The following THEMIS variants were observed in gnomAD, a reference collection of about 807,000 sequenced individuals.
THEMIS encodes the protein thymocyte selection associated.
THEMIS carries 37 observed loss-of-function variants against 52.6 expected under a neutral mutation model. The observed-to-expected ratio is 0.70, with a 90% confidence interval of 0.54 to 0.93. The LOEUF (loss-of-function observed/expected upper bound fraction) is 0.93. THEMIS is among the 40% of genes least tolerant of loss of function. The pLI, the probability that THEMIS is intolerant of heterozygous loss-of-function variation, is 0.00. For missense variants in THEMIS, 808 were observed against 763.1 expected (o/e 1.06, Z -0.69); for synonymous variants, 292 against 272.7 (o/e 1.07, Z -0.70).
At chr6:127,811,711 C>T (rs1196155010) in intron 4 of THEMIS, among the ~76,000 whole-genome samples, 1 of 152,190 alleles carries the variant, frequency 6.6e-6, no homozygotes, top group Non-Finnish European at 1.5e-5. Flanking sequence ...CATTTCATTT[C>T]TCACTATTCA....
At chr6:127,898,991 G>A (rs1414483564) in intron 1 of THEMIS, among the ~76,000 whole-genome samples, 1 of 151,758 alleles carries the variant, frequency 6.6e-6, no homozygotes, top group Non-Finnish European at 1.5e-5. Context: ...GGGATAGAGA[G>A]GGGTTGGTTG....
intron 3 of THEMIS, among the ~76,000 whole-genome samples, chr6:127,822,042 T>C (rs1185739896): frequency 1.3e-5 from 2 of 151,978 alleles, no homozygotes; most frequent in East Asian, 3.8e-4. Flanking sequence ...TCTCTATATT[T>C]GTTAGACATT....
At chr6:127,713,885 G>T (rs1189977778) in intron 5 of THEMIS, among the ~76,000 whole-genome samples, 1 of 151,814 alleles carries the variant, frequency 6.6e-6, no homozygotes, top group Non-Finnish European at 1.5e-5. Flanking sequence ...CACTTACTCT[G>T]GCTGTTGTGT....
At chr6:127,836,299 C>T (rs1778872737) in intron 2 of THEMIS, among the ~76,000 whole-genome samples, 1 of 152,044 alleles carries the variant, frequency 6.6e-6, no homozygotes, top group Admixed American at 6.5e-5. Context: ...ATGTAAAGCC[C>T]CATATGTTTC....
chr6:127,779,229 C>T (rs1776664280), intron 4 of THEMIS, among the ~76,000 whole-genome samples: 1 of 152,054 alleles, frequency 6.6e-6, no homozygotes, highest in Non-Finnish European at 1.5e-5. Flanking sequence ...AATTAAAAGC[C>T]CTTCTCCCTG....
At chr6:127,864,199 A>AG (rs1000736156) in intron 1 of THEMIS, among the ~76,000 whole-genome samples, 1 of 152,104 alleles carries the variant, frequency 6.6e-6, no homozygotes, top group African/African-American at 2.4e-5. Flanking sequence ...TTATAGACCA[A>AG]GGGGGGCACA....
chr6:127,846,480 C>A (rs1339802220), intron 2 of THEMIS, among the ~76,000 whole-genome samples: 1 of 151,620 alleles, frequency 6.6e-6, no homozygotes, highest in African/African-American at 2.4e-5. Flanking sequence ...CACATAAATA[C>A]AAAATATCAT....
chr6:127,815,372 C>T (rs961949310), intron 3 of THEMIS, among the ~76,000 whole-genome samples: 1 of 151,914 alleles, frequency 6.6e-6, no homozygotes, highest in Admixed American at 6.6e-5. Flanking sequence ...AGAATATCCT[C>T]TTATAAAACA....
chr6:127,816,280 C>T (rs1328829102), intron 3 of THEMIS, among the ~76,000 whole-genome samples: 1 of 152,130 alleles, frequency 6.6e-6, no homozygotes, highest in Non-Finnish European at 1.5e-5. Context: ...CCTCTATCTA[C>T]ACCCACGCCT....
chr6:127,907,672 G>A (rs2114522216), intron 1 of THEMIS, among the ~76,000 whole-genome samples: 1 of 151,848 alleles, frequency 6.6e-6, no homozygotes, highest in African/African-American at 2.4e-5. Flanking sequence ...TATATCAAAG[G>A]GAAATAAGTG....
chr6:127,863,306 C>T (rs550973419), intron 1 of THEMIS, among the ~76,000 whole-genome samples: 1 of 152,226 alleles, frequency 6.6e-6, no homozygotes, highest in South Asian at 2.1e-4. Flanking sequence ...ATAACTGAGT[C>T]CCCATACAGT....
rs889475986 is a variant in THEMIS, at chr6:127,785,492, C to A, written c.1758+27391G>T. ...ATAATAAAATTTAAAAAAAAAAAAACAATACTTTCTCCAGATTGATACATT... is the reference window on the plus strand; with the variant it reads ...ATAATAAAATTTAAAAAAAAAAAAAAAATACTTTCTCCAGATTGATACATT... On this transcript the variant is annotated intron_variant, in intron 4 of 5. Coordinates refer to ENST00000368248, the MANE Select transcript of THEMIS (RefSeq NM_001010923.3). Among the ~76,000 whole-genome samples, 135 of 145,786 alleles carry A rather than the reference C, an allele frequency of 9.3e-4. 2 individuals carry two copies. Among genetic ancestry groups the A allele is most frequent in the Non-Finnish European group, 3.2e-4 (21 of 65,922 alleles).
At chr6:127,876,632 C>T (rs923319812) in intron 1 of THEMIS, among the ~76,000 whole-genome samples, 2 of 152,062 alleles carry the variant, frequency 1.3e-5, no homozygotes, top group Non-Finnish European at 2.9e-5. Flanking sequence ...GTTAGGTTTG[C>T]AAATATTGTA....
At chr6:127,697,174 T>C in the THEMIS span, among the ~76,000 whole-genome samples, 1 of 152,184 alleles carries the variant, frequency 6.6e-6, no homozygotes, top group Non-Finnish European at 1.5e-5. Flanking sequence ...CAGCACTTCC[T>C]GCACTATTCT....
intron 1 of THEMIS, among the ~76,000 whole-genome samples, chr6:127,869,219 G>T (rs546993348): frequency 2.0e-5 from 3 of 152,246 alleles, no homozygotes; most frequent in African/African-American, 7.2e-5. Flanking sequence ...CCCATCATAA[G>T]TTAAAAATAT....
intron 4 of THEMIS, among the ~76,000 whole-genome samples, chr6:127,750,401 C>G (rs1333743904): frequency 2.0e-5 from 3 of 151,618 alleles, no homozygotes; most frequent in Admixed American, 2.0e-4. Context: ...TATTTTTATA[C>G]ATATCTCATA....
At chr6:127,746,561 T>C (rs1775396242) in intron 4 of THEMIS, among the ~76,000 whole-genome samples, 1 of 148,958 alleles carries the variant, frequency 6.7e-6, no homozygotes, top group African/African-American at 2.5e-5. Flanking sequence ...AAATCAACGA[T>C]GTGCTAAAAG....
intron 1 of THEMIS, among the ~76,000 whole-genome samples, chr6:127,871,049 A>C (rs1248768100): frequency 1.3e-5 from 2 of 152,148 alleles, no homozygotes; most frequent in Non-Finnish European, 2.9e-5. Context: ...CATTGGTTTC[A>C]AGTACCCACA....
chr6:127,779,167 T>G (rs1422823047), intron 4 of THEMIS, among the ~76,000 whole-genome samples: 1 of 152,108 alleles, frequency 6.6e-6, no homozygotes, highest in Non-Finnish European at 1.5e-5. Flanking sequence ...TTCAACGTGT[T>G]CCTCTAAGTG....
Sources: allele counts gnomAD v4.1 joint callset (sites outside exome capture counted in the v4.1 genomes callset), GRCh38; gene constraint gnomAD v4.1.1; transcripts MANE v1.5; gene names NCBI Gene and HGNC (gene_info 2026-07-23, HGNC 2026-07-21).